Variants in ZNF407 observed in about 807,000 individuals in gnomAD.
The protein encoded by ZNF407 is zinc finger protein 407.
ZNF407 carries 17 observed loss-of-function variants against 131.2 expected under a neutral mutation model. The observed-to-expected ratio is 0.13, with a 90% CI of 0.09 to 0.19. The LOEUF (loss-of-function observed/expected upper bound fraction) is 0.19. Ranked by LOEUF, ZNF407 falls within the 10% of genes least tolerant of loss-of-function variation. The probability of loss-of-function intolerance (pLI) is 1.00; values close to 1 mark genes in which losing one functional copy is unlikely to be tolerated. For missense variants in ZNF407, 2,681 were observed against 2,830.6 expected (o/e 0.95, Z 1.20); for synonymous variants, 1,156 against 1,062.0 (o/e 1.09, Z -1.72).
intron 4 of ZNF407, among the ~76,000 whole-genome samples, chr18:74,839,357 C>T (rs746450576): frequency 6.6e-6 from 1 of 152,142 alleles, no homozygotes; most frequent in East Asian, 1.9e-4. Flanking sequence ...TTGTGTTATG[C>T]GATTTTTGGG....
intron 4 of ZNF407, among the ~76,000 whole-genome samples, chr18:74,866,587 G>A (rs959863731): frequency 1.1e-4 from 17 of 151,824 alleles, no homozygotes; most frequent in Admixed American, 3.9e-4. Flanking sequence ...AGACCTATAG[G>A]ATAAGTTGCA....
At chr18:74,685,284 A>G (rs1430281774) in intron 3 of ZNF407, among the ~76,000 whole-genome samples, 4 of 152,318 alleles carry the variant, frequency 2.6e-5, no homozygotes, top group East Asian at 3.9e-4. Flanking sequence ...ATAAGTAGAC[A>G]TTGAAACACC....
rs1392068046 is a variant in ZNF407, at chr18:74,631,095, C to A, written c.76C>A (p.Leu26Ile). The A allele has an allele frequency of 3.7e-6, 6 of 1,613,738 alleles. No homozygotes were observed. The Admixed American group carries it at 1.0e-4, about 27-fold the overall frequency. ...INKEAQDLTKLSSHNEDGGPV... is the reference protein window; with the variant it reads ...INKEAQDLTKISSHNEDGGPV... ...CAAAGAAGCACAAGACTTGACAAAGCTTTCATCCCATAATGAAGACGGTGG... is the reference window on the plus strand; with the variant it reads ...CAAAGAAGCACAAGACTTGACAAAGATTTCATCCCATAATGAAGACGGTGG... Residue 26 changes from leucine (L) to isoleucine (I), a missense_variant, in exon 2 of 9, where the codon CTT (leucine) becomes ATT (isoleucine). Transcript: ENST00000299687.
At chr18:74,962,170 A>G (rs1372744494) in intron 8 of ZNF407, among the ~76,000 whole-genome samples, 2 of 152,162 alleles carry the variant, frequency 1.3e-5, no homozygotes, top group Non-Finnish European at 2.9e-5. Flanking sequence ...TGTATCCTAT[A>G]CATCAGGGAC....
intron 4 of ZNF407, among the ~76,000 whole-genome samples, chr18:74,809,024 C>G (rs922536737): frequency 7.2e-5 from 11 of 152,098 alleles, no homozygotes; most frequent in African/African-American, 2.7e-4. Flanking sequence ...TAAGAGTGCT[C>G]TTTTTCTTAC....
intron 8 of ZNF407, among the ~76,000 whole-genome samples, chr18:74,979,660 G>A (rs1404274190): frequency 6.6e-6 from 1 of 152,090 alleles, no homozygotes; most frequent in African/African-American, 2.4e-5. Flanking sequence ...TAAGATAGCA[G>A]TGGAAAAATG....
At chr18:74,716,097 A>C (rs561636070) in intron 3 of ZNF407, among the ~76,000 whole-genome samples, 1 of 152,336 alleles carries the variant, frequency 6.6e-6, no homozygotes, top group South Asian at 2.1e-4. Flanking sequence ...TGAAGTGCAA[A>C]CATAGTTTTT....
intron 3 of ZNF407, among the ~76,000 whole-genome samples, chr18:74,645,674 T>TGTGTGTGTGTGG (rs1568144188): frequency 1.4e-5 from 2 of 140,512 alleles, no homozygotes; most frequent in Non-Finnish European, 3.2e-5. Context: ...TGTGTGTGTG[T>TGTGTGTGTGTGG]GGCATTACCT....
chr18:74,622,929 AAT>A (rs774309183), intron 1 of ZNF407, among the ~76,000 whole-genome samples: 121 of 151,072 alleles, frequency 8.0e-4, no homozygotes, highest in Admixed American at 1.3e-3. Context: ...AGTATCTGTG[AAT>A]GTGTGTGTAT....
At chr18:74,641,777 CA>C (rs1263219218) in intron 3 of ZNF407, among the ~76,000 whole-genome samples, 1 of 152,102 alleles carries the variant, frequency 6.6e-6, no homozygotes, top group Non-Finnish European at 1.5e-5. Flanking sequence ...ATTAATTTAG[CA>C]GAAATGTTTA....
At chr18:75,060,668 G>T (rs1359037264) in intron 8 of ZNF407, among the ~76,000 whole-genome samples, 1 of 151,884 alleles carries the variant, frequency 6.6e-6, no homozygotes, top group Non-Finnish European at 1.5e-5. Flanking sequence ...ACCGCGCCCG[G>T]CTAATTTTTT....
At chr18:74,936,720 T>C (rs1972044342) in intron 8 of ZNF407, among the ~76,000 whole-genome samples, 4 of 152,192 alleles carry the variant, frequency 2.6e-5, no homozygotes, top group African/African-American at 7.2e-5. Flanking sequence ...TAATTCCAGT[T>C]GTGTAGGATT....
intron 8 of ZNF407, among the ~76,000 whole-genome samples, chr18:74,972,439 C>T (rs1972483279): frequency 6.6e-6 from 1 of 152,222 alleles, no homozygotes; most frequent in Non-Finnish European, 1.5e-5. Flanking sequence ...CTTCCTGTCT[C>T]CTTTTAGGCT....
intron 8 of ZNF407, among the ~76,000 whole-genome samples, chr18:75,014,035 A>G (rs1181847145): frequency 6.6e-6 from 1 of 152,094 alleles, no homozygotes; most frequent in African/African-American, 2.4e-5. Flanking sequence ...AAAGCCTTCA[A>G]CTTCATGTAA....
intron 4 of ZNF407, among the ~76,000 whole-genome samples, chr18:74,795,028 A>G (rs1355213723): frequency 6.6e-6 from 1 of 152,124 alleles, no homozygotes; most frequent in Non-Finnish European, 1.5e-5. Context: ...AACTTTTCTA[A>G]TGATGAAATT....
intron 3 of ZNF407, among the ~76,000 whole-genome samples, chr18:74,660,268 A>G (rs1985656280): frequency 6.6e-6 from 1 of 152,108 alleles, no homozygotes; most frequent in South Asian, 2.1e-4. Flanking sequence ...ATCATTGGTC[A>G]AGTTGCAAGA....
At chr18:74,628,416 G>A (rs1320550724) in intron 1 of ZNF407, among the ~76,000 whole-genome samples, 4 of 151,942 alleles carry the variant, frequency 2.6e-5, no homozygotes, top group Admixed American at 6.5e-5. Flanking sequence ...CTGCCTACCC[G>A]CAGCCCTGAG....
intron 3 of ZNF407, among the ~76,000 whole-genome samples, chr18:74,778,348 C>T (rs1460970135): frequency 6.6e-6 from 1 of 152,204 alleles, no homozygotes; most frequent in East Asian, 1.9e-4. Context: ...AGGCACCGTG[C>T]CTTCATCCTC....
At chr18:74,665,657 G>A (rs936279813) in intron 3 of ZNF407, among the ~76,000 whole-genome samples, 1 of 152,088 alleles carries the variant, frequency 6.6e-6, no homozygotes, top group Non-Finnish European at 1.5e-5. Flanking sequence ...TGAATTTTTT[G>A]TTGTGATATA....
Sources: allele counts gnomAD v4.1 joint callset (sites outside exome capture counted in the v4.1 genomes callset), GRCh38; gene constraint gnomAD v4.1.1; transcripts MANE v1.5; gene names NCBI Gene and HGNC (gene_info 2026-07-23, HGNC 2026-07-21).